Variants in COL4A3 observed in about 807,000 individuals in gnomAD.
COL4A3 encodes collagen alpha-3(IV) chain.
COL4A3 carries 135 observed loss-of-function variants against 217.4 expected under a neutral mutation model. The ratio of observed to expected loss-of-function variants is 0.62; its 90% confidence interval spans 0.54 to 0.72. COL4A3 has a LOEUF of 0.72. COL4A3 is among the 30% of genes least tolerant of loss of function. The probability of loss-of-function intolerance (pLI) is 0.00; values close to 1 mark genes in which losing one functional copy is unlikely to be tolerated. For synonymous variants in COL4A3, 690 were observed against 736.3 expected (o/e 0.94, Z 1.02); for missense variants, 1,868 against 2,119.9 (o/e 0.88, Z 2.33).
intron 1 of COL4A3, among the ~76,000 whole-genome samples, chr2:227,210,549 C>G (rs78910396): frequency 0.076 from 11,609 of 152,224 alleles, 655 homozygotes; most frequent in African/African-American, 0.15. Context: ...GAGACCGAAC[C>G]ACTGCACACC....
At chr2:227,265,190 A>G (rs541796239) in intron 21 of COL4A3, 3 of 152,254 alleles carry the variant, frequency 2.0e-5, no homozygotes, top group Admixed American at 2.0e-4. Context: ...ATGAAAATGT[A>G]TAAGTATACA....
intron 34 of COL4A3, 132 bp downstream of exon 34, chr2:227,284,477 C>T: frequency 9.7e-7 from 1 of 1,026,632 alleles, no homozygotes; most frequent in Non-Finnish European, 1.5e-6. Context: ...CATCACACAG[C>T]CGGTTGGTGG....
At chr2:227,233,034 G>A (rs2068493603) in intron 1 of COL4A3, among the ~76,000 whole-genome samples, 1 of 151,996 alleles carries the variant, frequency 6.6e-6, no homozygotes, top group Admixed American at 6.5e-5. Flanking sequence ...ATGTTTTTGA[G>A]ACAGAGTCTA....
chr2:227,311,345 A>C (rs1303187498), intron 51 of COL4A3, among the ~76,000 whole-genome samples: 1 of 151,688 alleles, frequency 6.6e-6, no homozygotes, highest in Non-Finnish European at 1.5e-5. Flanking sequence ...TCTTCCATAA[A>C]GAGAAATAGT....
At chr2:227,274,410 CATGT>C (rs1446817909) in intron 26 of COL4A3, among the ~76,000 whole-genome samples, 3 of 151,734 alleles carry the variant, frequency 2.0e-5, no homozygotes, top group Non-Finnish European at 4.4e-5. Flanking sequence ...TCTGTCCACA[CATGT>C]ATGTAAATCT....
chr2:227,195,667 A>ATATGTGTGTG lies in COL4A3; in HGVS notation c.87+30855_87+30856insATGTGTGTGT, dbSNP rs1226857286. Among the ~76,000 whole-genome samples, 878 of 139,934 alleles carry ATATGTGTGTG rather than the reference A, an allele frequency of 6.3e-3. 10 individuals carry two copies. Among genetic ancestry groups the ATATGTGTGTG allele is most frequent in the Middle Eastern group, 0.026 (7 of 272 alleles). 91.8% of individuals were successfully genotyped at this position (139,934 alleles called of 152,430 possible). A position where few individuals can be genotyped will look rare whatever the true frequency, so the allele number is the denominator to read the frequency against. On this transcript the variant is annotated intron_variant, in intron 1 of 51. Coordinates refer to ENST00000396578, the MANE Select transcript of COL4A3 (RefSeq NM_000091.5). ...GAGTCTATGCCACATATATATATAT[A>ATATGTGTGTG]TGTGTGTGTGTGTGTGTGTGTGTGT...
intron 1 of COL4A3, among the ~76,000 whole-genome samples, chr2:227,226,760 G>A (rs1229861646): frequency 2.0e-5 from 3 of 152,132 alleles, no homozygotes; most frequent in East Asian, 1.9e-4. Flanking sequence ...ATGAGCCACC[G>A]CACCTGGCCT....
intron 1 of COL4A3, among the ~76,000 whole-genome samples, chr2:227,177,763 C>T (rs140982348): frequency 1.2e-3 from 180 of 152,276 alleles, no homozygotes; most frequent in African/African-American, 4.2e-3. Flanking sequence ...GGGCGTGAAT[C>T]ATCCCCTTTT....
chr2:227,266,616 G>A, intron 22 of COL4A3, 107 bp downstream of exon 22: 2 of 836,660 alleles, frequency 2.4e-6, no homozygotes, highest in Non-Finnish European at 4.0e-6. Context: ...CTACCAGTCA[G>A]TGATGACTTA....
rs1022919589 is a variant in COL4A3, at chr2:227,249,366, G to C, written c.546+846G>C. 2.4e-4 allele frequency among the ~76,000 whole-genome samples: 36 copies of C among 147,240 alleles called. 1 individual carries two copies. In the South Asian group the frequency reaches 7.8e-3, roughly 32 times the overall value. ...TTCTCCTGCCTCAGCCTCCTGAGTA[G>C]CTGGGACTACACGCATGGGCCACCA... is the stretch of plus-strand genomic sequence containing the variant. On this transcript the variant is annotated intron_variant, in intron 9 of 51. Coordinates refer to ENST00000396578, the MANE Select transcript of COL4A3 (RefSeq NM_000091.5).
chr2:227,184,864 C>CCTCCTTTG (rs1393306818), intron 1 of COL4A3, among the ~76,000 whole-genome samples: 10 of 149,090 alleles, frequency 6.7e-5, no homozygotes, highest in Non-Finnish European at 1.5e-4. Context: ...ATTCTTGACC[C>CCTCCTTTG]CTCCTTTGCA....
At position 227,277,516 on chromosome 2, in the gene COL4A3, T is replaced by A. The variant is rs1379636699; in HGVS notation, c.2088T>A (p.Ile696=). 6.2e-7 allele frequency: 1 copy of A among 1,612,806 alleles called. No homozygotes were observed. Among genetic ancestry groups the A allele is most frequent in the South Asian group, 1.1e-5 (1 of 90,348 alleles). The change falls in exon 28 of 52, where the codon ATT becomes ATA. Residue 696 remains isoleucine, a synonymous_variant. Transcript: ENST00000396578. ...CAGGGCCTGATGGTGAACCAGGAAT[T>A]CCAGGAATTGGATTTCCTGGGCCTC... is the stretch of plus-strand genomic sequence containing the variant. ...GLPGPDGEPG[I]PGIGFPGPPG... is the part of the protein sequence containing the mutation.
In COL4A3 at chr2:227,294,949, T is replaced by G. The variant is rs61000296; in HGVS notation, c.3419-15T>G. 682 of 1,576,110 alleles carry G rather than the reference T, an allele frequency of 4.3e-4. No individual in the cohort carries two copies. Among genetic ancestry groups the G allele is most frequent in the African/African-American group, 4.9e-4 (34 of 70,004 alleles). On this transcript the variant is annotated splice_polypyrimidine_tract_variant and intron_variant, in intron 39 of 51. Coordinates refer to ENST00000396578, the MANE Select transcript of COL4A3 (RefSeq NM_000091.5). ...CCATAGTTTGGGGTTTTTGGGTTTT[T>G]TTTTTTTTTTTCAGGTCTTCCAGGA...
At chr2:227,303,737 C>T (rs1167879851) in intron 44 of COL4A3, 122 bp from the exon 45 acceptor site, 3 of 943,846 alleles carry the variant, frequency 3.2e-6, no homozygotes, top group South Asian at 1.4e-5. Context: ...TGTGACAGAA[C>T]CCATAGGACA....
intron 1 of COL4A3, among the ~76,000 whole-genome samples, chr2:227,192,281 T>C (rs2066272980): frequency 6.6e-6 from 1 of 152,250 alleles, no homozygotes; most frequent in South Asian, 2.1e-4. Flanking sequence ...TAAGTTTGTG[T>C]CTGGTTGTTG....
At chr2:227,292,842 T>C (rs2072827789) in intron 37 of COL4A3, among the ~76,000 whole-genome samples, 8 of 152,210 alleles carry the variant, frequency 5.3e-5, no homozygotes, top group Admixed American at 5.2e-4. Context: ...CATAAATCTA[T>C]ATAGGTTACC....
chr2:227,177,657 T>C (rs1311056125), intron 1 of COL4A3, among the ~76,000 whole-genome samples: 2 of 152,170 alleles, frequency 1.3e-5, no homozygotes, highest in South Asian at 2.1e-4. Context: ...AAATATTCAG[T>C]AGAAAATTTC....
At chr2:227,256,216 C>A (rs778625795) in intron 16 of COL4A3, 127 bp from the exon 17 acceptor site, 7 of 1,120,330 alleles carry the variant, frequency 6.2e-6, no homozygotes, top group Admixed American at 1.8e-5. Context: ...AGTTTTACAT[C>A]CCCACTGTGA....
chr2:227,219,333 C>A (rs1031761332), intron 1 of COL4A3, among the ~76,000 whole-genome samples: 3 of 152,136 alleles, frequency 2.0e-5, no homozygotes, highest in African/African-American at 7.2e-5. Flanking sequence ...CCATCTTTGC[C>A]TTTTCCATTT....
Sources: gnomAD v4.1 joint callset for allele counts (sites outside exome capture counted in the v4.1 genomes callset) on GRCh38, gnomAD v4.1.1 for gene constraint, MANE v1.5 for transcripts, NCBI Gene and HGNC (gene_info 2026-07-23, HGNC 2026-07-21) for gene names.